BCL2: variants seen among roughly 807,000 people sequenced by gnomAD.
BCL2 encodes apoptosis regulator Bcl-2.
BCL2 carries 1 observed loss-of-function variant against 14.2 expected under a neutral mutation model. That is an observed-to-expected ratio of 0.07 (90% CI 0.02 to 0.33). BCL2 has a LOEUF of 0.33. Among genes scored for constraint, BCL2 ranks in the 10% least tolerant of loss-of-function variants. The probability of loss-of-function intolerance (pLI) is 0.99; values close to 1 mark genes in which losing one functional copy is unlikely to be tolerated. For synonymous variants in BCL2, 151 were observed against 137.2 expected (o/e 1.10, Z -0.70); for missense variants, 247 against 305.9 (o/e 0.81, Z 1.44).
intron 2 of BCL2, among the ~76,000 whole-genome samples, chr18:63,201,700 C>T (rs1008848127): frequency 1.4e-4 from 22 of 152,094 alleles, no homozygotes; most frequent in Non-Finnish European, 7.4e-5. Context: ...AACTGGAAAC[C>T]ATCATTCTCA....
intron 2 of BCL2, among the ~76,000 whole-genome samples, chr18:63,191,840 C>G (rs1404458610): frequency 6.6e-6 from 1 of 152,178 alleles, no homozygotes; most frequent in East Asian, 1.9e-4. Flanking sequence ...TCTGACCAAT[C>G]AGAAATAACT....
At chr18:63,262,349 T>A (rs1599276823) in intron 2 of BCL2, among the ~76,000 whole-genome samples, 2 of 152,208 alleles carry the variant, frequency 1.3e-5, no homozygotes. Context: ...GTGTGGCTGA[T>A]CATCTCCTTG....
At chr18:63,164,860 CTG>C (rs1474472869) in intron 2 of BCL2, among the ~76,000 whole-genome samples, 3 of 152,198 alleles carry the variant, frequency 2.0e-5, no homozygotes, top group Non-Finnish European at 1.5e-5. Flanking sequence ...TCAAGAGAGA[CTG>C]TGAAATCCTC....
chr18:63,298,926 C>T (rs780013113), intron 2 of BCL2, among the ~76,000 whole-genome samples: 12 of 152,088 alleles, frequency 7.9e-5, no homozygotes, highest in Non-Finnish European at 1.6e-4. Flanking sequence ...AAAAGCTGGG[C>T]GGCAGCAGAG....
intron 2 of BCL2, among the ~76,000 whole-genome samples, chr18:63,172,553 G>A (rs913543541): frequency 5.3e-5 from 8 of 152,136 alleles, no homozygotes; most frequent in South Asian, 2.1e-4. Context: ...AGGCCGAGGC[G>A]GGTGGATCAC....
chr18:63,207,143 AC>A (rs1909859483), intron 2 of BCL2, among the ~76,000 whole-genome samples: 2 of 152,196 alleles, frequency 1.3e-5, no homozygotes, highest in Admixed American at 1.3e-4. Flanking sequence ...CCAAAGGAGC[AC>A]AGTGGAGGAG....
Position 63,297,298 on chromosome 18 carries a change from ACT to A in BCL2, c.585+20782_585+20783del, listed in dbSNP as rs1599297489. Among the ~76,000 whole-genome samples the A allele has an allele frequency of 2.6e-5, 4 of 152,378 alleles. No individual in the cohort carries two copies. The East Asian group carries it at 7.7e-4, about 29-fold the overall frequency. Reference sequence around the variant, plus strand: ...GGTCACGTTTAGTATATTTTATTAAACTAATACATCCAAAATACTATCACTTC... The same window carrying A: ...GGTCACGTTTAGTATATTTTATTAAAAATACATCCAAAATACTATCACTTC... On this transcript the variant is annotated intron_variant, in intron 2 of 2. Transcript: ENST00000333681.
intron 2 of BCL2, among the ~76,000 whole-genome samples, chr18:63,298,453 A>C (rs185946629): frequency 6.6e-6 from 1 of 152,300 alleles, no homozygotes; most frequent in East Asian, 1.9e-4. Context: ...GTTGATGGCA[A>C]GCTCCAGGCA....
chr18:63,244,519 G>C (rs139783893), intron 2 of BCL2, among the ~76,000 whole-genome samples: 7 of 151,968 alleles, frequency 4.6e-5, no homozygotes, highest in Non-Finnish European at 8.8e-5. Context: ...AGATCGCACC[G>C]CTGCACTCCA....
intron 2 of BCL2, among the ~76,000 whole-genome samples, chr18:63,172,702 A>C (rs940948100): frequency 6.6e-6 from 1 of 152,152 alleles, no homozygotes; most frequent in Non-Finnish European, 1.5e-5. Flanking sequence ...AATGGCGTGA[A>C]CCTGGGAGGT....
chr18:63,231,076 A>T (rs1205282016), intron 2 of BCL2, among the ~76,000 whole-genome samples: 13 of 152,058 alleles, frequency 8.5e-5, no homozygotes, highest in Non-Finnish European at 1.5e-5. Flanking sequence ...AGCTCAAGTA[A>T]GAGTCAACAT....
At chr18:63,307,307 G>A (rs918788735) in intron 2 of BCL2, among the ~76,000 whole-genome samples, 3 of 152,084 alleles carry the variant, frequency 2.0e-5, no homozygotes, top group Non-Finnish European at 4.4e-5. Context: ...TAAGTATTCC[G>A]TACAAAAGGT....
chr18:63,185,192 C>A (rs777153959), intron 2 of BCL2, among the ~76,000 whole-genome samples: 6 of 152,178 alleles, frequency 3.9e-5, no homozygotes, highest in Admixed American at 6.5e-5. Context: ...GAAAATACAG[C>A]CCACACTGAT....
chr18:63,132,801 G>C (rs763974206), intron 2 of BCL2, among the ~76,000 whole-genome samples: 4 of 152,200 alleles, frequency 2.6e-5, no homozygotes, highest in Non-Finnish European at 5.9e-5. Flanking sequence ...TTTGAAAGCT[G>C]TTTTAAATAA....
chr18:63,309,074 ACTGGTAGTGGGAAGCCAAG>A (rs1224543771), intron 2 of BCL2, among the ~76,000 whole-genome samples: 1 of 152,174 alleles, frequency 6.6e-6, no homozygotes, highest in Non-Finnish European at 1.5e-5. Flanking sequence ...AAGTTGGCAA[ACTGGTAGTGGGAAGCCAAG>A]CTTTGAACAG....
Position 63,318,513 on chromosome 18 carries a change from GGGA to G in BCL2, c.151_153del (p.Ser51del), listed in dbSNP as rs1913580436. Reference sequence around the variant, plus strand: ...GCTGGATGGGGCGTGTGCCCGGGCTGGGAGGAGAAGATGCCCGGTGCGGGGGCG... The same window carrying G: ...GCTGGATGGGGCGTGTGCCCGGGCTGGGAGAAGATGCCCGGTGCGGGGGCG... On this transcript the variant is annotated inframe_deletion, in exon 2 of 3. Coordinates refer to ENST00000333681, the MANE Select transcript of BCL2 (RefSeq NM_000633.3). The surrounding 1 kb of genome is among the most constrained non-coding windows in gnomAD (Gnocchi z 7.4). 4.5e-6 allele frequency: 7 copies of G among 1,561,580 alleles called. No homozygotes were observed. The highest frequency in any genetic ancestry group is 3.5e-5 in the South Asian group (3 of 86,466).
intron 2 of BCL2, among the ~76,000 whole-genome samples, chr18:63,170,270 A>G (rs191244548): frequency 1.3e-5 from 2 of 152,250 alleles, no homozygotes; most frequent in African/African-American, 4.8e-5. Flanking sequence ...CTAATGAATG[A>G]ATAACTCATT....
chr18:63,282,357 C>G (rs1466595309), intron 2 of BCL2, among the ~76,000 whole-genome samples: 3 of 152,160 alleles, frequency 2.0e-5, no homozygotes, highest in African/African-American at 7.2e-5. Flanking sequence ...ACCAAAAGAT[C>G]AGAATTTTCC....
intron 2 of BCL2, among the ~76,000 whole-genome samples, chr18:63,268,356 G>A (rs1455148916): frequency 6.6e-6 from 1 of 152,078 alleles, no homozygotes; most frequent in Non-Finnish European, 1.5e-5. Context: ...TTTCTAAAAG[G>A]GCATACATTC....
Sources: gnomAD v4.1 joint callset for allele counts (sites outside exome capture counted in the v4.1 genomes callset) on GRCh38, gnomAD v4.1.1 for gene constraint, Gnocchi (gnomAD v3.1) non-coding constraint, MANE v1.5 for transcripts, NCBI Gene and HGNC (gene_info 2026-07-23, HGNC 2026-07-21) for gene names.